SEMA6D: variants seen among roughly 807,000 people sequenced by gnomAD.
SEMA6D encodes the protein semaphorin 6D.
In SEMA6D, 35 loss-of-function variants were observed where a neutral mutation model predicts 106.6. The ratio of observed to expected loss-of-function variants is 0.33; its 90% CI spans 0.25 to 0.44. The LOEUF (loss-of-function observed/expected upper bound fraction) is 0.44, where lower values mean the gene tolerates loss of function less well. SEMA6D is among the 20% of genes least tolerant of loss of function. The probability of loss-of-function intolerance (pLI) is 1.00; values close to 1 mark genes in which losing one functional copy is unlikely to be tolerated. For synonymous variants in SEMA6D, 499 were observed against 487.7 expected (o/e 1.02, Z -0.31); for missense variants, 1,185 against 1,345.9 (o/e 0.88, Z 1.87).
At chr15:47,318,367 C>T (rs1433595356) in intron 1 of SEMA6D, among the ~76,000 whole-genome samples, 1 of 134,706 alleles carries the variant, frequency 7.4e-6, no homozygotes, top group Non-Finnish European at 1.6e-5. Flanking sequence ...GCTGTACCCA[C>T]TAACTCGTCA....
At chr15:47,278,071 A>G (rs1246405898) in intron 1 of SEMA6D, among the ~76,000 whole-genome samples, 3 of 151,510 alleles carry the variant, frequency 2.0e-5, no homozygotes, top group Non-Finnish European at 4.4e-5. Context: ...CACAATAAAC[A>G]TACGTGTGCA....
intron 3 of SEMA6D, among the ~76,000 whole-genome samples, chr15:47,480,630 C>G (rs74755362): frequency 0.02 from 3,111 of 152,166 alleles, 106 homozygotes; most frequent in African/African-American, 0.071. Flanking sequence ...AATGACACAC[C>G]CTTACCTCAT....
At chr15:47,391,133 C>T (rs957814458) in intron 1 of SEMA6D, among the ~76,000 whole-genome samples, 1 of 152,098 alleles carries the variant, frequency 6.6e-6, no homozygotes, top group Non-Finnish European at 1.5e-5. Context: ...GTGAGATATT[C>T]CAGGTCCTCT....
At chr15:47,457,543 TA>T (rs2042381468) in intron 2 of SEMA6D, among the ~76,000 whole-genome samples, 3 of 151,936 alleles carry the variant, frequency 2.0e-5, no homozygotes, top group South Asian at 2.1e-4. Flanking sequence ...AGATAAAATA[TA>T]ACTGCCCAAG....
At chr15:47,483,540 C>CTG (rs2043213005) in intron 3 of SEMA6D, among the ~76,000 whole-genome samples, 1 of 152,114 alleles carries the variant, frequency 6.6e-6, no homozygotes, top group African/African-American at 2.4e-5. Flanking sequence ...AGAGTCTTAA[C>CTG]TGTAATAGTC....
At chr15:47,314,849 CTT>C (rs1173992222) in intron 1 of SEMA6D, among the ~76,000 whole-genome samples, 10 of 83,920 alleles carry the variant, frequency 1.2e-4, no homozygotes, top group Non-Finnish European at 1.0e-4. Context: ...TCTAGGTTTT[CTT>C]TTTTTTTTTT....
intron 1 of SEMA6D, among the ~76,000 whole-genome samples, chr15:47,282,427 C>T (rs1485520994): frequency 6.6e-6 from 1 of 152,028 alleles, no homozygotes; most frequent in East Asian, 1.9e-4. Context: ...TCACAGTATC[C>T]TATTATATTT....
At chr15:47,681,003 GC>G (rs1349617566) in intron 4 of SEMA6D, among the ~76,000 whole-genome samples, 1 of 152,180 alleles carries the variant, frequency 6.6e-6, no homozygotes, top group Non-Finnish European at 1.5e-5. Context: ...AAATGTTGTT[GC>G]CGCTATGGAA....
chr15:47,383,388 G>A (rs35534970), intron 1 of SEMA6D, among the ~76,000 whole-genome samples: 33,397 of 152,074 alleles, frequency 0.22, 3,953 homozygotes, highest in Middle Eastern at 0.34. Context: ...CCCATGACGA[G>A]GGAAGATGGG....
intron 1 of SEMA6D, among the ~76,000 whole-genome samples, chr15:47,217,602 T>C (rs1476759908): frequency 6.8e-6 from 1 of 148,126 alleles, no homozygotes; most frequent in Non-Finnish European, 1.5e-5. Flanking sequence ...TGTTTAATCC[T>C]CTGGGAGTAT....
At chr15:47,484,187 T>C (rs1252747124) in intron 3 of SEMA6D, among the ~76,000 whole-genome samples, 1 of 152,174 alleles carries the variant, frequency 6.6e-6, no homozygotes, top group Non-Finnish European at 1.5e-5. Context: ...CTAAGCATAC[T>C]GTGGCAGCAG....
chr15:47,246,256 T>C (rs1278891389), intron 1 of SEMA6D, among the ~76,000 whole-genome samples: 1 of 152,050 alleles, frequency 6.6e-6, no homozygotes, highest in African/African-American at 2.4e-5. Flanking sequence ...GAGCCATGGG[T>C]GTCTCTGAGA....
chr15:47,667,180 A>G (rs182520866), intron 4 of SEMA6D, among the ~76,000 whole-genome samples: 1 of 152,356 alleles, frequency 6.6e-6, no homozygotes, highest in African/African-American at 2.4e-5. Context: ...ATCCGTGGGC[A>G]TAAGAAAACA....
chr15:47,727,990 A>G (rs186863951), intron 1 of SEMA6D, among the ~76,000 whole-genome samples: 6 of 152,328 alleles, frequency 3.9e-5, no homozygotes, highest in Admixed American at 3.3e-4. Flanking sequence ...CTGAGATCAT[A>G]TGGGAAATGG....
intron 2 of SEMA6D, among the ~76,000 whole-genome samples, chr15:47,444,771 A>G (rs2041979780): frequency 6.6e-6 from 1 of 152,086 alleles, no homozygotes; most frequent in Admixed American, 6.6e-5. Flanking sequence ...AGTGTCTAGG[A>G]GTGGGTGTCT....
intron 1 of SEMA6D, among the ~76,000 whole-genome samples, chr15:47,206,577 C>G (rs897613480): frequency 6.6e-6 from 1 of 152,094 alleles, no homozygotes; most frequent in Admixed American, 6.6e-5. Flanking sequence ...CGCATTTGCA[C>G]TACATTTCCA....
At chr15:47,617,654 T>G (rs190701227) in intron 4 of SEMA6D, among the ~76,000 whole-genome samples, 136 of 152,332 alleles carry the variant, frequency 8.9e-4, no homozygotes, top group Non-Finnish European at 1.3e-3. Context: ...TTTCTAAATA[T>G]ACCCTGCAGA....
intron 15 of SEMA6D, 161 bp from the exon 16 acceptor site, chr15:47,766,455 G>T (rs472081): frequency 0.26 from 174,075 of 676,614 alleles, 23,570 homozygotes; most frequent in South Asian, 0.29. Flanking sequence ...GTTTTTAACA[G>T]AAATAGTCAT....
chr15:47,280,259 A>G (rs998041429), intron 1 of SEMA6D, among the ~76,000 whole-genome samples: 15 of 151,902 alleles, frequency 9.9e-5, no homozygotes, highest in Middle Eastern at 6.8e-3. Flanking sequence ...GTCTTGGGAG[A>G]GTGTATGTGT....
Sources: gnomAD v4.1 joint callset for allele counts (sites outside exome capture counted in the v4.1 genomes callset) on GRCh38, gnomAD v4.1.1 for gene constraint, MANE v1.5 for transcripts, NCBI Gene and HGNC (gene_info 2026-07-23, HGNC 2026-07-21) for gene names.